The following ZNF70 variants were observed in gnomAD, a reference collection of about 807,000 sequenced individuals.
The protein encoded by ZNF70 is zinc finger protein 70.
In ZNF70, 18 loss-of-function variants were observed where a neutral mutation model predicts 37.7. The ratio of observed to expected loss-of-function variants is 0.48; its 90% CI spans 0.33 to 0.71. The LOEUF is 0.71. Among genes scored for constraint, ZNF70 ranks in the 30% least tolerant of loss-of-function variants. ZNF70 has a pLI of 0.02. For synonymous variants in ZNF70, 219 were observed against 220.1 expected (o/e 0.99, Z 0.05); for missense variants, 506 against 568.6 (o/e 0.89, Z 1.12).
intron 1 of ZNF70, among the ~76,000 whole-genome samples, chr22:23,747,803 A>G (rs5759990): frequency 0.45 from 68,350 of 151,936 alleles, 16,578 homozygotes; most frequent in East Asian, 0.68. Flanking sequence ...CAGCCTGGGC[A>G]ACAGAGTGAG....
At position 23,741,426 on chromosome 22, in the gene ZNF70, G is replaced by C. The variant is rs984024210; in HGVS notation, c.*2374C>G. ...AACTGGTTACACAGAGGGTTCTGGT[G>C]GACAATGGAGTGCTGGTTAAATGTT... is the stretch of plus-strand genomic sequence containing the variant. On this transcript the variant is annotated 3_prime_UTR_variant, in exon 2 of 2. Coordinates refer to ENST00000341976, the MANE Select transcript of ZNF70 (RefSeq NM_021916.4). 1 of 152,206 alleles carries C rather than the reference G, an allele frequency of 6.6e-6. No homozygotes were observed. The highest frequency in any genetic ancestry group is 1.5e-5 in the Non-Finnish European group (1 of 68,050). 9.4% of individuals were successfully genotyped at this position (152,206 alleles called of 1,614,324 possible). A position where few individuals can be genotyped will look rare whatever the true frequency, so the allele number is the denominator to read the frequency against.
At chr22:23,748,960 C>T (rs865844554) in intron 1 of ZNF70, among the ~76,000 whole-genome samples, 15 of 151,998 alleles carry the variant, frequency 9.9e-5, no homozygotes, top group African/African-American at 2.9e-4. Context: ...AGTGTGATTA[C>T]AGCTCACTGG....
chr22:23,749,503 G>A (rs1379337619), intron 1 of ZNF70, among the ~76,000 whole-genome samples: 21 of 141,372 alleles, frequency 1.5e-4, no homozygotes, highest in African/African-American at 5.5e-4. Flanking sequence ...ACTCCAGGCT[G>A]GGCGACAGGA....
At position 23,744,479 on chromosome 22, in the gene ZNF70, T is replaced by C. The variant is rs767745523; in HGVS notation, c.662A>G (p.Lys221Arg). 3.7e-6 allele frequency: 6 copies of C among 1,614,002 alleles called. No individual in the cohort carries two copies. The highest frequency in any genetic ancestry group is 4.2e-6 in the Non-Finnish European group (5 of 1,180,024). ...LTQHQKIHTG[K>R]RPYECRECGK... is the part of the protein sequence containing the mutation. Reference sequence around the variant, plus strand: ...GCATTCCCTGCACTCGTAGGGCCTCTTTCCGGTGTGGATCTTTTGGTGTTG... The same window carrying C: ...GCATTCCCTGCACTCGTAGGGCCTCCTTCCGGTGTGGATCTTTTGGTGTTG... Residue 221 changes from lysine to arginine, a missense_variant, in exon 2 of 2, where the codon AAG becomes AGG. Coordinates refer to ENST00000341976, the MANE Select transcript of ZNF70 (RefSeq NM_021916.4).
At position 23,740,780 on chromosome 22, in the gene ZNF70, A is replaced by C. The variant is rs1258475346; in HGVS notation, c.*3020T>G. ...TCAAAAAAAAAAAAAAAAAAAAAAA[A>C]ACTAATAAAACAAGGAAAGAATTTG... On this transcript the variant is annotated 3_prime_UTR_variant, in exon 2 of 2. Transcript: ENST00000341976. 2 of 151,624 alleles carry C rather than the reference A, an allele frequency of 1.3e-5. No individual in the cohort carries two copies. The highest frequency in any genetic ancestry group is 2.9e-5 in the Non-Finnish European group (2 of 68,148). The allele number at this position is 151,624 out of a possible 1,614,324, so 9.4% of individuals were successfully genotyped here.
At position 23,739,254 on chromosome 22, in the gene ZNF70, C is replaced by A. The variant is rs1924802322; in HGVS notation, c.*4546G>T. On this transcript the variant is annotated 3_prime_UTR_variant, in exon 2 of 2. Transcript: ENST00000341976. The stretch of plus-strand genomic sequence containing the variant: ...AAGAAATAAGCAGCAATACCCTAAG[C>A]ATTCATCACTTAGAAATTTTTTTTA... 1 of 151,950 alleles carries A rather than the reference C, an allele frequency of 6.6e-6. No individual in the cohort carries two copies. Among genetic ancestry groups the A allele is most frequent in the African/African-American group, 2.4e-5 (1 of 41,334 alleles). The allele number at this position is 151,950 out of a possible 1,614,324, so 9.4% of individuals were successfully genotyped here.
In ZNF70 at chr22:23,745,124, G is replaced by T; in HGVS notation, c.17C>A (p.Ala6Glu). Residue 6 changes from alanine (A) to glutamate (E), a missense_variant, in exon 2 of 2, where the codon GCA becomes GAA. Ala to Glu is a moderately radical substitution (Grantham distance 107, BLOSUM62 -1). Coordinates refer to ENST00000341976, the MANE Select transcript of ZNF70 (RefSeq NM_021916.4). MEVPP[A>E]TKFGETFAFE... ...TGCAAAGGTCTCACCAAACTTTGTT[G>T]CTGGGGGAACCTCCATTGTGAATCT... 6.2e-7 allele frequency: 1 copy of T among 1,612,044 alleles called. No homozygotes were observed. The highest frequency in any genetic ancestry group is 8.5e-7 in the Non-Finnish European group (1 of 1,178,442).
rs1924804001 is a variant in ZNF70 at position 23,739,286 on chromosome 22, T to G, written c.*4514A>C. The stretch of plus-strand genomic sequence containing the variant: ...CACTTAGAAATTTTTTTTATATATA[T>G]TTTTTTTGAGACAGAGTCTAGCTCT... On this transcript the variant is annotated 3_prime_UTR_variant, in exon 2 of 2. Coordinates refer to ENST00000341976, the MANE Select transcript of ZNF70 (RefSeq NM_021916.4). 1 of 151,752 alleles carries G rather than the reference T, an allele frequency of 6.6e-6. No individual in the cohort carries two copies. Among genetic ancestry groups the G allele is most frequent in the South Asian group, 2.1e-4 (1 of 4,814 alleles). The allele number at this position is 151,752 out of a possible 1,614,324, so 9.4% of individuals were successfully genotyped here.
intron 1 of ZNF70, among the ~76,000 whole-genome samples, chr22:23,747,212 AGTCTGTG>A (rs1925159848): frequency 6.6e-6 from 1 of 152,236 alleles, no homozygotes; most frequent in Non-Finnish European, 1.5e-5. Context: ...GACAGGCACC[AGTCTGTG>A]GCCTGTTAGG....
Position 23,744,492 on chromosome 22 carries a change from T to C in ZNF70, c.649A>G (p.Ile217Val), listed in dbSNP as rs868520508. ...QSSALTQHQK[I>V]HTGKRPYECR... is the part of the protein sequence containing the mutation. ...TCGTAGGGCCTCTTTCCGGTGTGGA[T>C]CTTTTGGTGTTGCGTGAGGGCTGAG... Residue 217 changes from isoleucine (I) to valine (V), a missense_variant, in exon 2 of 2, where the codon ATC (isoleucine) becomes GTC (valine). By Grantham distance (29) the Ile-to-Val change is conservative. Coordinates refer to ENST00000341976, the MANE Select transcript of ZNF70 (RefSeq NM_021916.4). The C allele has an allele frequency of 4.3e-6, 7 of 1,613,910 alleles. No homozygotes were observed. In the African/African-American group the frequency reaches 9.3e-5, roughly 22 times the overall value.
Position 23,744,986 on chromosome 22 carries a change from G to A in ZNF70, c.155C>T (p.Pro52Leu). The A allele has an allele frequency of 6.2e-7, 1 of 1,614,082 alleles. No individual in the cohort carries two copies. The highest frequency in any genetic ancestry group is 1.1e-5 in the South Asian group (1 of 91,084). ...ATTTTCTTCGTCCTGCTCACCAAGA[G>A]GGATCTCCTTGTAGATCACAGCCAT... ...EQMAVIYKEI[P>L]LGEQDEENDD... The change falls in exon 2 of 2, where the codon CCT becomes CTT. Residue 52 changes from proline to leucine, a missense_variant. Physicochemically the swap from Pro to Leu is moderately conservative, Grantham distance 98 (BLOSUM62 -3). Transcript: ENST00000341976.
At chr22:23,745,855 T>C (rs183195422) in intron 1 of ZNF70, among the ~76,000 whole-genome samples, 18 of 152,232 alleles carry the variant, frequency 1.2e-4, no homozygotes, top group Admixed American at 7.2e-4. Flanking sequence ...CTGGGTGACA[T>C]TGGGGGCAGG....
At position 23,743,404 on chromosome 22, in the gene ZNF70, T is replaced by C; in HGVS notation, c.*396A>G. 1 of 190,284 alleles carries C rather than the reference T, an allele frequency of 5.3e-6. No individual in the cohort carries two copies. Among genetic ancestry groups the C allele is most frequent in the Non-Finnish European group, 1.1e-5 (1 of 91,940 alleles). The allele number at this position is 190,284 out of a possible 1,614,324, so 11.8% of individuals were successfully genotyped here. ...TCTAAAAGTGCCAGACTGCAGCCTG[T>C]TTTAAAGAGTTCTTCTGATATTTTC... is the stretch of plus-strand genomic sequence containing the variant. On this transcript the variant is annotated 3_prime_UTR_variant, in exon 2 of 2. Coordinates refer to ENST00000341976, the MANE Select transcript of ZNF70 (RefSeq NM_021916.4).
rs527570983 is a variant in ZNF70, at chr22:23,741,670, T to C, written c.*2130A>G. On this transcript the variant is annotated 3_prime_UTR_variant, in exon 2 of 2. Coordinates refer to ENST00000341976, the MANE Select transcript of ZNF70 (RefSeq NM_021916.4). ...GCTGAAATACCCAGTGTTACCATGA[T>C]GAGTTCATGTTAGCCCAGCCATAAA... 1 of 152,348 alleles carries C rather than the reference T, an allele frequency of 6.6e-6. No individual in the cohort carries two copies. Among genetic ancestry groups the C allele is most frequent in the East Asian group, 1.9e-4 (1 of 5,188 alleles). 9.4% of individuals were successfully genotyped at this position (152,348 alleles called of 1,614,324 possible). A position where few individuals can be genotyped will look rare whatever the true frequency, so the allele number is the denominator to read the frequency against.
At chr22:23,750,233 A>T (rs573689430) in intron 1 of ZNF70, among the ~76,000 whole-genome samples, 20 of 152,080 alleles carry the variant, frequency 1.3e-4, no homozygotes, top group Non-Finnish European at 2.2e-4. Flanking sequence ...CCTTCATTTC[A>T]GAGGTTGCAA....
At position 23,743,675 on chromosome 22, in the gene ZNF70, A is replaced by G; in HGVS notation, c.*125T>C. ...GGCCTTCCTGCTAGTGGGATGTTCA[A>G]GAGCGCTTAGGTGGGAAGGTTTCCA... On this transcript the variant is annotated 3_prime_UTR_variant, in exon 2 of 2. Coordinates refer to ENST00000341976, the MANE Select transcript of ZNF70 (RefSeq NM_021916.4). The G allele has an allele frequency of 1.5e-6, 2 of 1,369,552 alleles. No individual in the cohort carries two copies. The highest frequency in any genetic ancestry group is 2.9e-5 in the South Asian group (2 of 69,896). 84.8% of individuals were successfully genotyped at this position (1,369,552 alleles called of 1,614,324 possible). A position where few individuals can be genotyped will look rare whatever the true frequency, so the allele number is the denominator to read the frequency against.
intron 1 of ZNF70, among the ~76,000 whole-genome samples, chr22:23,749,851 C>T (rs1354969303): frequency 2.0e-5 from 3 of 152,082 alleles, no homozygotes; most frequent in African/African-American, 7.2e-5. Flanking sequence ...GCTTTTCGAC[C>T]TCATGAAATC....
In ZNF70 at chr22:23,744,338, C is replaced by T. The variant is rs1357437184; in HGVS notation, c.803G>A (p.Ser268Asn). ...TAGGGTGTGGATCTTCCGATGCTGG[C>T]TCAGGCCTGAGCTCTGGTTGAAGGA... ...GKSFNQSSGL[S>N]QHRKIHTLKK... is the part of the protein sequence containing the mutation. Residue 268 changes from serine (S) to asparagine (N), a missense_variant, in exon 2 of 2, where the codon AGC (serine) becomes AAC (asparagine). By Grantham distance (46) the Ser-to-Asn change is conservative. Coordinates refer to ENST00000341976, the MANE Select transcript of ZNF70 (RefSeq NM_021916.4). 4.3e-6 allele frequency: 7 copies of T among 1,614,078 alleles called. No individual in the cohort carries two copies. The highest frequency in any genetic ancestry group is 1.7e-5 in the Admixed American group (1 of 60,008).
rs902737991 is a variant in ZNF70, at chr22:23,744,319, G to A, written c.822C>T (p.His274=). 1 of 1,614,076 alleles carries A rather than the reference G, an allele frequency of 6.2e-7. No homozygotes were observed. The highest frequency in any genetic ancestry group is 8.5e-7 in the Non-Finnish European group (1 of 1,180,040). Residue 274 remains histidine (H), a synonymous_variant, in exon 2 of 2, where the codon CAC becomes CAT. Coordinates refer to ENST00000341976, the MANE Select transcript of ZNF70 (RefSeq NM_021916.4). ...SSGLSQHRKI[H]TLKKPHECDL... ...CGCACTCGTGAGGTTTCTTTAGGGT[G>A]TGGATCTTCCGATGCTGGCTCAGGC...
Sources: gnomAD v4.1 joint callset for allele counts (sites outside exome capture counted in the v4.1 genomes callset) on GRCh38, gnomAD v4.1.1 for gene constraint, MANE v1.5 for transcripts, NCBI Gene and HGNC (gene_info 2026-07-23, HGNC 2026-07-21) for gene names.